GABBR1: variants seen among roughly 807,000 people sequenced by gnomAD.
GABBR1 encodes the protein gamma-aminobutyric acid type B receptor subunit 1, also known as GABA-B receptor, R1 subunit.
Under a neutral mutation model 117.7 loss-of-function variants are expected in GABBR1, and 35 were observed. The observed-to-expected ratio is 0.30, with a 90% confidence interval of 0.23 to 0.39. The LOEUF is 0.39. Ranked by LOEUF, GABBR1 falls within the 10% of genes least tolerant of loss-of-function variation. The pLI, the probability that GABBR1 is intolerant of heterozygous loss-of-function variation, is 1.00. For missense variants in GABBR1, 709 were observed against 1,241.8 expected (o/e 0.57, Z 6.45); for synonymous variants, 442 against 486.6 (o/e 0.91, Z 1.21).
Position 29,610,959 on chromosome 6 carries a change from T to C in GABBR1, c.1673A>G (p.Asp558Gly). 6.2e-7 allele frequency: 1 copy of C among 1,613,032 alleles called. No individual in the cohort carries two copies. Among genetic ancestry groups the C allele is most frequent in the Non-Finnish European group, 8.5e-7 (1 of 1,179,996 alleles). Residue 558 changes from aspartate to glycine, a missense_variant, in exon 14 of 23, where the codon GAT (aspartate) becomes GGT (glycine). Around this residue, in one of 9 missense-constraint regions of GABBR1, gnomAD observed 251 missense variants for 445.3 expected, o/e 0.56. Transcript: ENST00000377034. ...ATCTGTTTTGGACCAGGAAAGATCA[T>C]CCTTGGTGCTGTCATAGTAGCCAAT... ...KKIGYYDSTK[D>G]DLSWSKTDKW...
chr6:29,630,705 A>G lies in GABBR1; in HGVS notation c.290-62T>C. On this transcript the variant is annotated intron_variant, in intron 3 of 22. Transcript: ENST00000377034. The surrounding 1 kb of genome is among the most constrained non-coding windows in gnomAD (Gnocchi z 4.9). ...TGAAGAAGGCTCTTTCCCTTTAAAG[A>G]GCAGGGGACTCAGGTGCAGGTTTGG... The G allele has an allele frequency of 6.9e-7, 1 of 1,453,374 alleles. No individual in the cohort carries two copies. Among genetic ancestry groups the G allele is most frequent in the Non-Finnish European group, 9.5e-7 (1 of 1,054,026 alleles). The allele number at this position is 1,453,374 out of a possible 1,614,324, so 90.0% of individuals were successfully genotyped here. A position where few individuals can be genotyped will look rare whatever the true frequency, so the allele number is the denominator to read the frequency against.
Position 29,607,959 on chromosome 6 carries a change from T to C in GABBR1, c.1992+642A>G, listed in dbSNP as rs1355518009. On this transcript the variant is annotated intron_variant, in intron 16 of 22. Coordinates refer to ENST00000377034, the MANE Select transcript of GABBR1 (RefSeq NM_001470.4). The surrounding 1 kb of genome is among the most constrained non-coding windows in gnomAD (Gnocchi z 5.0). ...AACTGCATGTGCATGTGCATGGAAA[T>C]GCCATGTGCACAGATGTATGATCAG... Among the ~76,000 whole-genome samples, 1 of 152,206 alleles carries C rather than the reference T, an allele frequency of 6.6e-6. No individual in the cohort carries two copies. Among genetic ancestry groups the C allele is most frequent in the Non-Finnish European group, 1.5e-5 (1 of 68,044 alleles).
chr6:29,628,970 G>T, intron 5 of GABBR1, 117 bp downstream of exon 5: 2 of 1,191,934 alleles, frequency 1.7e-6, no homozygotes, highest in Non-Finnish European at 2.5e-6. Flanking sequence ...GGGGTGGGTT[G>T]GGGAAGGTGC....
Position 29,632,534 on chromosome 6 carries a change from C to G in GABBR1, c.1-149G>C. ...GAGCGCCCCGCGGAGGAGGCGGGGG[C>G]GGAGCCCCGCGCGGGGTGGGGGGAG... is the stretch of plus-strand genomic sequence containing the variant. On this transcript the variant is annotated intron_variant, in intron 1 of 22. Transcript: ENST00000377034. This position sits in a 1 kb window ranked among gnomAD's most constrained non-coding sequence, Gnocchi z 5.8. The G allele has an allele frequency of 1.1e-6, 1 of 897,456 alleles. No individual in the cohort carries two copies. Among genetic ancestry groups the G allele is most frequent in the Non-Finnish European group, 1.6e-6 (1 of 639,212 alleles). 55.6% of individuals were successfully genotyped at this position (897,456 alleles called of 1,614,324 possible).
Position 29,612,534 on chromosome 6 carries a change from C to T in GABBR1, c.1630+17G>A, listed in dbSNP as rs748510368. The T allele has an allele frequency of 8.7e-6, 14 of 1,612,834 alleles. No individual in the cohort carries two copies. Among genetic ancestry groups the T allele is most frequent in the Non-Finnish European group, 1.2e-5 (14 of 1,179,210 alleles). On this transcript the variant is annotated intron_variant, in intron 13 of 22. Transcript: ENST00000377034. ...GCCTAGCCCCCATGTCCGGTCCCCT[C>T]CTGCCCCTGTACTAACCCTGAAGCT...
In GABBR1 at chr6:29,608,718, T is replaced by C; in HGVS notation, c.1875A>G (p.Ser625=). 1 of 1,612,978 alleles carries C rather than the reference T, an allele frequency of 6.2e-7. No homozygotes were observed. Among genetic ancestry groups the C allele is most frequent in the Non-Finnish European group, 8.5e-7 (1 of 1,179,952 alleles). ...CAGTCAGGTTGTTCAGGTTGGGCTG[T>C]GAGTTCTGGATATAACTAGGGCAGA... The part of the protein sequence containing the change: ...YNSHVRYIQN[S]QPNLNNLTAV... The change falls in exon 16 of 23, where the codon TCA becomes TCG. Residue 625 remains serine (S), a synonymous_variant. Transcript: ENST00000377034.
chr6:29,603,801 G>C, intron 22 of GABBR1, 85 bp from the exon 23 acceptor site: 1 of 1,048,886 alleles, frequency 9.5e-7, no homozygotes, highest in Non-Finnish European at 1.3e-6. Context: ...AAGGGCACAG[G>C]GAAAGAGAGG....
At position 29,630,430 on chromosome 6, in the gene GABBR1, G is replaced by C. The variant is rs1366077344; in HGVS notation, c.475+28C>G. 6.3e-7 allele frequency: 1 copy of C among 1,595,804 alleles called. No homozygotes were observed. Among genetic ancestry groups the C allele is most frequent in the Non-Finnish European group, 8.6e-7 (1 of 1,165,726 alleles). On this transcript the variant is annotated intron_variant, in intron 4 of 22. Transcript: ENST00000377034. This position sits in a 1 kb window ranked among gnomAD's most constrained non-coding sequence, Gnocchi z 4.9. ...CATCCTCACACAAGCGTCCTCATCA[G>C]CTGCATGCAGGCAGCTGTTCCCCTC...
In GABBR1 at chr6:29,609,243, G is replaced by A. The variant is rs1562086182; in HGVS notation, c.1845C>T (p.Tyr615=). The change falls in exon 15 of 23, where the codon TAC becomes TAT. Residue 615 remains tyrosine (Y), a synonymous_variant. Transcript: ENST00000377034. The surrounding 1 kb of genome is among the most constrained non-coding windows in gnomAD (Gnocchi z 4.3). ...LAVVCLSFNI[Y]NSHVRYIQNS... The stretch of plus-strand genomic sequence containing the variant: ...GAGAAACTTACCGGACATGTGAGTT[G>A]TAGATGTTAAAGGACAGACAGACAA... 3 of 1,613,050 alleles carry A rather than the reference G, an allele frequency of 1.9e-6. No individual in the cohort carries two copies. Among genetic ancestry groups the A allele is most frequent in the Non-Finnish European group, 2.5e-6 (3 of 1,180,002 alleles).
rs751460848 is a variant in GABBR1 at position 29,604,938 on chromosome 6, C to T, written c.2490G>A (p.Gln830=). The T allele has an allele frequency of 6.2e-6, 10 of 1,613,112 alleles. No homozygotes were observed. Among genetic ancestry groups the T allele is most frequent in the Non-Finnish European group, 8.5e-6 (10 of 1,180,000 alleles). ...APVTMILSSQ[Q]DAAFAFASLA... is the part of the protein sequence containing the mutation. ...GAGAGGCAAAGGCAAAGGCTGCATCCTGCTGGCTGGACAGAATCATGGTGA... is the reference window on the plus strand; with the variant it reads ...GAGAGGCAAAGGCAAAGGCTGCATCTTGCTGGCTGGACAGAATCATGGTGA... The change falls in exon 21 of 23, where the codon CAG becomes CAA. Residue 830 remains glutamine (Q), a synonymous_variant. Coordinates refer to ENST00000377034, the MANE Select transcript of GABBR1 (RefSeq NM_001470.4). The surrounding 1 kb of genome is among the most constrained non-coding windows in gnomAD (Gnocchi z 5.3).
intron 14 of GABBR1, 54 bp downstream of exon 14, chr6:29,610,870 T>C (rs1455275509): frequency 4.1e-6 from 6 of 1,480,098 alleles, no homozygotes; most frequent in South Asian, 1.1e-5. Flanking sequence ...GGCATGACTT[T>C]TTCCCTTGAC....
intron 6 of GABBR1, chr6:29,624,286 A>G (rs1206433765): frequency 4.6e-5 from 16 of 350,994 alleles, no homozygotes; most frequent in Non-Finnish European, 1.6e-5. Flanking sequence ...ATTAATGAAC[A>G]TACCACCTTA....
rs55701059 is a variant in GABBR1 at position 29,632,552 on chromosome 6, G to T, written c.1-167C>A. On this transcript the variant is annotated intron_variant, in intron 1 of 22. Transcript: ENST00000377034. This position sits in a 1 kb window ranked among gnomAD's most constrained non-coding sequence, Gnocchi z 5.8. ...GCGGGGGCGGAGCCCCGCGCGGGGT[G>T]GGGGGAGAGGAGGAGAGAAAGCCTG... 0.058 allele frequency: 50,667 copies of T among 879,288 alleles called. 1,788 individuals are homozygous for T. Among genetic ancestry groups the T allele is most frequent in the South Asian group, 0.11 (5,515 of 48,226 alleles). 54.5% of individuals were successfully genotyped at this position (879,288 alleles called of 1,614,324 possible). A position where few individuals can be genotyped will look rare whatever the true frequency, so the allele number is the denominator to read the frequency against.
Position 29,606,045 on chromosome 6 carries a change from G to T in GABBR1, c.2311+346C>A, listed in dbSNP as rs532579808. The T allele has an allele frequency of 1.9e-6, 1 of 516,324 alleles. No individual in the cohort carries two copies. The highest frequency in any genetic ancestry group is 2.8e-5 in the South Asian group (1 of 35,388). The allele number at this position is 516,324 out of a possible 1,614,324, so 32.0% of individuals were successfully genotyped here. A position where few individuals can be genotyped will look rare whatever the true frequency, so the allele number is the denominator to read the frequency against. ...AGGTGGCTTTCCAGGCAGAGGGTAG[G>T]TTTGCAATTTGTGACCATGAATCGA... On this transcript the variant is annotated intron_variant, in intron 19 of 22. Coordinates refer to ENST00000377034, the MANE Select transcript of GABBR1 (RefSeq NM_001470.4). The surrounding 1 kb of genome is among the most constrained non-coding windows in gnomAD (Gnocchi z 4.5).
Position 29,627,478 on chromosome 6 carries a change from A to G in GABBR1, c.657+8T>C. 1 of 750,774 alleles carries G rather than the reference A, an allele frequency of 1.3e-6. No homozygotes were observed. The highest frequency in any genetic ancestry group is 1.6e-5 in the South Asian group (1 of 61,964). 46.5% of individuals were successfully genotyped at this position (750,774 alleles called of 1,614,324 possible). ...CCACCTCCCACCCACCCCCATGTCC[A>G]GGGCTACCTTGCTGTCGTGGTGGAT... On this transcript the variant is annotated splice_region_variant and intron_variant, in intron 6 of 22. Transcript: ENST00000377034. The surrounding 1 kb of genome is among the most constrained non-coding windows in gnomAD (Gnocchi z 4.4).
chr6:29,614,026 T>C (rs1762820222), intron 11 of GABBR1, among the ~76,000 whole-genome samples: 1 of 152,224 alleles, frequency 6.6e-6, no homozygotes, highest in Non-Finnish European at 1.5e-5. Context: ...CACTGCCTCT[T>C]AGAAGGCTTT....
Position 29,609,228 on chromosome 6 carries a change from C to G in GABBR1, c.1859+1G>C. On this transcript the variant is annotated splice_donor_variant, in intron 15 of 22. Transcript: ENST00000377034. LOFTEE classifies it high-confidence loss of function. The surrounding 1 kb of genome is among the most constrained non-coding windows in gnomAD (Gnocchi z 4.3). ...AGGAAAACGTCAGAAGAGAAACTTA[C>G]CGGACATGTGAGTTGTAGATGTTAA... 1 of 1,612,852 alleles carries G rather than the reference C, an allele frequency of 6.2e-7. No individual in the cohort carries two copies. The highest frequency in any genetic ancestry group is 8.5e-7 in the Non-Finnish European group (1 of 1,179,862).
In GABBR1 at chr6:29,615,249, G is replaced by A. The variant is rs367741279; in HGVS notation, c.1324-1764C>T. Among the ~76,000 whole-genome samples the A allele has an allele frequency of 4.9e-4, 71 of 145,574 alleles. 1 individual carries two copies. The highest frequency in any genetic ancestry group is 1.7e-3 in the African/African-American group (66 of 38,884). On this transcript the variant is annotated intron_variant, in intron 11 of 22. Coordinates refer to ENST00000377034, the MANE Select transcript of GABBR1 (RefSeq NM_001470.4). ...GGAGGTTACAGTGAGCTGAGATGAC[G>A]CCACTACACTCCAGCCTGGGCGACA... is the stretch of plus-strand genomic sequence containing the variant.
Position 29,624,073 on chromosome 6 carries a change from T to G in GABBR1, c.658-49A>C, listed in dbSNP as rs755736135. ...GCAAGCTCTCCTGGGGCCCCTCCCC[T>G]GTCTGCAATTCCTGCTCTTATCTTT... On this transcript the variant is annotated intron_variant, in intron 6 of 22. Transcript: ENST00000377034. 5.9e-6 allele frequency: 9 copies of G among 1,527,500 alleles called. No individual in the cohort carries two copies. The South Asian group carries it at 1.0e-4, about 17-fold the overall frequency. The allele number at this position is 1,527,500 out of a possible 1,614,324, so 94.6% of individuals were successfully genotyped here. A position where few individuals can be genotyped will look rare whatever the true frequency, so the allele number is the denominator to read the frequency against.
Sources: gnomAD v4.1 joint callset for allele counts (sites outside exome capture counted in the v4.1 genomes callset) on GRCh38, gnomAD v4.1.1 for gene constraint, gnomAD v4.1.1 regional missense constraint, Gnocchi (gnomAD v3.1) non-coding constraint, MANE v1.5 for transcripts, NCBI Gene and HGNC (gene_info 2026-07-23, HGNC 2026-07-21) for gene names.